PPP2R5A: variants seen among roughly 807,000 people sequenced by gnomAD.
PPP2R5A encodes the protein serine/threonine-protein phosphatase 2A 56 kDa regulatory subunit alpha isoform.
A neutral mutation model predicts 64.2 loss-of-function variants in PPP2R5A; 25 were observed. The ratio of observed to expected loss-of-function variants is 0.39; its 90% CI spans 0.28 to 0.54. The LOEUF (loss-of-function observed/expected upper bound fraction) is 0.54. Ranked by LOEUF, PPP2R5A falls within the 20% of genes least tolerant of loss-of-function variation. The probability of loss-of-function intolerance (pLI) is 0.67; values close to 1 mark genes in which losing one functional copy is unlikely to be tolerated. For missense variants in PPP2R5A, 425 were observed against 576.3 expected, an observed-to-expected ratio of 0.74 and a Z score of 2.69; for synonymous variants, 198 against 201.2, an observed-to-expected ratio of 0.98 and a Z score of 0.13.
At chr1:212,337,331 ACTTT>A (rs1413757564) in intron 3 of PPP2R5A, among the ~76,000 whole-genome samples, 3 of 152,098 alleles carry the variant, frequency 2.0e-5, no homozygotes, top group Non-Finnish European at 2.9e-5. Context: ...GTGTATTTTC[ACTTT>A]CTTTTATTAA....
chr1:212,302,522 G>A (rs1391108761), intron 1 of PPP2R5A, among the ~76,000 whole-genome samples: 1 of 152,130 alleles, frequency 6.6e-6, no homozygotes, highest in African/African-American at 2.4e-5. Context: ...TAAACTTTTA[G>A]TGTCTCTCAG....
chr1:212,345,162 TAAA>T (rs74849931), intron 4 of PPP2R5A, among the ~76,000 whole-genome samples: 2 of 127,348 alleles, frequency 1.6e-5, no homozygotes, highest in Non-Finnish European at 1.7e-5. Flanking sequence ...AAGACTGTCT[TAAA>T]AAAAAAAAAA....
chr1:212,320,263 TA>T (rs1659245729), intron 1 of PPP2R5A, among the ~76,000 whole-genome samples: 1 of 151,988 alleles, frequency 6.6e-6, no homozygotes, highest in Non-Finnish European at 1.5e-5. Flanking sequence ...GGGTTGGGGG[TA>T]AGGTCACAGA....
intron 1 of PPP2R5A, chr1:212,302,175 A>G (rs1177427167): frequency 7.7e-7 from 1 of 1,300,126 alleles, no homozygotes; most frequent in Non-Finnish European, 1.1e-6. Flanking sequence ...TTTTCTGGGA[A>G]GATGCATTTG....
At chr1:212,360,375 TAC>T (rs1467844910) in intron 12 of PPP2R5A, among the ~76,000 whole-genome samples, 1 of 152,198 alleles carries the variant, frequency 6.6e-6, no homozygotes, top group Non-Finnish European at 1.5e-5. Flanking sequence ...GACTATAAAG[TAC>T]AGTGTCATGG....
chr1:212,360,750 A>G lies in PPP2R5A; in HGVS notation c.1441A>G (p.Ser481Gly), dbSNP rs761071796. The G allele has an allele frequency of 6.5e-7, 1 of 1,543,654 alleles. No individual in the cohort carries two copies. Among genetic ancestry groups the G allele is most frequent in the East Asian group, 2.3e-5 (1 of 42,840 alleles). The change falls in exon 13 of 13, where the codon AGC (serine) becomes GGC (glycine). Residue 481 changes from serine to glycine, a missense_variant. This residue lies in a region of PPP2R5A where 177 missense variants were observed against 244.8 expected (regional missense o/e 0.72). Transcript: ENST00000261461. ...TGCTTACAACATGCACAGTATTCTCAGCAATACAAGTGCCGAATAAAAAAA... is the reference window on the plus strand; with the variant it reads ...TGCTTACAACATGCACAGTATTCTCGGCAATACAAGTGCCGAATAAAAAAA... Reference protein sequence around the residue: ...NSAYNMHSILSNTSAE With the variant: ...NSAYNMHSILGNTSAE
chr1:212,349,391 T>TA (rs1343046809), intron 8 of PPP2R5A, 149 bp downstream of exon 8: 1 of 586,588 alleles, frequency 1.7e-6, no homozygotes, highest in African/African-American at 1.9e-5. Context: ...TAATCTACAT[T>TA]AAAAGAAGGG....
At chr1:212,356,824 A>G in intron 9 of PPP2R5A, 126 bp from the exon 10 acceptor site, 5 of 1,266,204 alleles carry the variant, frequency 3.9e-6, no homozygotes, top group African/African-American at 1.5e-5. Flanking sequence ...GCTATAGTAA[A>G]CTCTGCCATC....
chr1:212,316,268 G>A (rs1659150857), intron 1 of PPP2R5A, among the ~76,000 whole-genome samples: 1 of 152,154 alleles, frequency 6.6e-6, no homozygotes, highest in Non-Finnish European at 1.5e-5. Context: ...TGAATGCAAA[G>A]GAAGAGCTCT....
At chr1:212,342,913 A>AAT (rs953253307) in intron 4 of PPP2R5A, among the ~76,000 whole-genome samples, 1 of 151,988 alleles carries the variant, frequency 6.6e-6, no homozygotes, top group Non-Finnish European at 1.5e-5. Context: ...AATTTCTAAG[A>AAT]ATATATTCAT....
At position 212,360,768 on chromosome 1, in the gene PPP2R5A, TAAAA is replaced by T. The variant is rs540232176; in HGVS notation, c.*4_*7del. 3 of 1,501,912 alleles carry T rather than the reference TAAAA, an allele frequency of 2.0e-6. No homozygotes were observed. The highest frequency in any genetic ancestry group is 2.9e-5 in the African/African-American group (2 of 69,458). The allele number at this position is 1,501,912 out of a possible 1,614,324, so 93.0% of individuals were successfully genotyped here. On this transcript the variant is annotated stop_retained_variant and 3_prime_UTR_variant, in exon 13 of 13. Coordinates refer to ENST00000261461, the MANE Select transcript of PPP2R5A (RefSeq NM_006243.4). ...TATTCTCAGCAATACAAGTGCCGAA[TAAAA>T]AAAAAGCCTCCCACCTCTGCCGGAT...
In PPP2R5A at chr1:212,318,592, A is replaced by G. The variant is rs572999399; in HGVS notation, c.182-10543A>G. 2.0e-5 allele frequency among the ~76,000 whole-genome samples: 3 copies of G among 152,352 alleles called. No individual in the cohort carries two copies. In the East Asian group the frequency reaches 5.8e-4, roughly 29 times the overall value. On this transcript the variant is annotated intron_variant, in intron 1 of 12. Transcript: ENST00000261461. ...TAAATATGGTATACCATGATAGTAG[A>G]TAGTAGTCTGAATTGCTCCTTGGTT...
At chr1:212,286,426 A>C in intron 1 of PPP2R5A, 135 bp downstream of exon 1, 2 of 987,290 alleles carry the variant, frequency 2.0e-6, no homozygotes, top group Non-Finnish European at 2.7e-6. Flanking sequence ...GTTCCCCACA[A>C]TGCCTTGGCG....
At chr1:212,307,407 T>C (rs2102417878) in intron 1 of PPP2R5A, among the ~76,000 whole-genome samples, 1 of 152,260 alleles carries the variant, frequency 6.6e-6, no homozygotes, top group East Asian at 1.9e-4. Flanking sequence ...TTTTTTGTGA[T>C]ATTAGTGTTA....
chr1:212,350,213 C>T (rs1410948467), intron 8 of PPP2R5A, among the ~76,000 whole-genome samples: 1 of 152,052 alleles, frequency 6.6e-6, no homozygotes, highest in Non-Finnish European at 1.5e-5. Flanking sequence ...TGTAATGGAA[C>T]AAAAGACATT....
At chr1:212,305,287 T>G (rs1658877960) in intron 1 of PPP2R5A, among the ~76,000 whole-genome samples, 1 of 152,090 alleles carries the variant, frequency 6.6e-6, no homozygotes, top group Non-Finnish European at 1.5e-5. Flanking sequence ...CCTCCCAAAG[T>G]GCTGGGATTA....
At chr1:212,295,465 G>A (rs1658676534) in intron 1 of PPP2R5A, among the ~76,000 whole-genome samples, 1 of 152,210 alleles carries the variant, frequency 6.6e-6, no homozygotes, top group Non-Finnish European at 1.5e-5. Flanking sequence ...TGGATATGGA[G>A]CAATGTGCTA....
intron 1 of PPP2R5A, among the ~76,000 whole-genome samples, chr1:212,293,611 T>C (rs1224799567): frequency 6.6e-6 from 1 of 152,192 alleles, no homozygotes; most frequent in East Asian, 1.9e-4. Flanking sequence ...AAGGATTTTA[T>C]TTATGTGGGA....
chr1:212,307,980 T>A (rs1036244652), intron 1 of PPP2R5A, among the ~76,000 whole-genome samples: 1 of 152,096 alleles, frequency 6.6e-6, no homozygotes, highest in Admixed American at 6.6e-5. Flanking sequence ...AGAAGTTATC[T>A]TCTTGCCTCA....
Sources: gnomAD v4.1 joint callset for allele counts (sites outside exome capture counted in the v4.1 genomes callset) on GRCh38, gnomAD v4.1.1 for gene constraint, gnomAD v4.1.1 regional missense constraint, MANE v1.5 for transcripts, NCBI Gene and HGNC (gene_info 2026-07-23, HGNC 2026-07-21) for gene names.